The following GPC5 variants were observed in gnomAD, a reference collection of about 807,000 sequenced individuals.
GPC5 encodes glypican 5.
Under a neutral mutation model 53.9 loss-of-function variants are expected in GPC5, and 47 were observed. That is an observed-to-expected ratio of 0.87 (90% confidence interval 0.69 to 1.11). The LOEUF (loss-of-function observed/expected upper bound fraction) is 1.11. Among genes scored for constraint, GPC5 ranks in the 50% most tolerant of loss-of-function variants. GPC5 has a pLI of 0.00. For missense variants in GPC5, 748 were observed against 713.1 expected (o/e 1.05, Z -0.56); for synonymous variants, 286 against 263.3 (o/e 1.09, Z -0.84).
At chr13:92,092,449 C>T (rs191736492) in intron 6 of GPC5, among the ~76,000 whole-genome samples, 1 of 152,216 alleles carries the variant, frequency 6.6e-6, no homozygotes, top group African/African-American at 2.4e-5. Flanking sequence ...GAGCAGCTAC[C>T]TGGTAAAATT....
At chr13:92,218,043 C>T (rs1224761136) in intron 7 of GPC5, among the ~76,000 whole-genome samples, 1 of 151,090 alleles carries the variant, frequency 6.6e-6, no homozygotes, top group East Asian at 2.0e-4. Context: ...CCTGCCTCAG[C>T]CTCCTGAGTA....
Position 92,455,061 on chromosome 13 carries a change from T to TACGA in GPC5, c.1561+310075_1561+310078dup, listed in dbSNP as rs551577702. ...TGTTAAATATGTATTGAGAAAGAGG[T>TACGA]ACGAACTCAGAGCAAGGAATGGAAG... On this transcript the variant is annotated intron_variant, in intron 7 of 7. Coordinates refer to ENST00000377067, the MANE Select transcript of GPC5 (RefSeq NM_004466.6). 3.5e-4 allele frequency among the ~76,000 whole-genome samples: 53 copies of TACGA among 152,188 alleles called. No individual in the cohort carries two copies. The East Asian group carries it at 5.0e-3, about 14-fold the overall frequency.
intron 2 of GPC5, among the ~76,000 whole-genome samples, chr13:91,659,281 G>A (rs1305247099): frequency 6.6e-6 from 1 of 152,204 alleles, no homozygotes; most frequent in Non-Finnish European, 1.5e-5. Context: ...CCAATAGGGA[G>A]CTTGGTGAGG....
intron 6 of GPC5, among the ~76,000 whole-genome samples, chr13:91,919,236 C>T (rs1200626364): frequency 6.6e-6 from 1 of 152,168 alleles, no homozygotes; most frequent in Non-Finnish European, 1.5e-5. Context: ...AGACTACTAC[C>T]AATTCCTATC....
chr13:92,794,341 T>C (rs1048460758), intron 7 of GPC5, among the ~76,000 whole-genome samples: 1 of 152,132 alleles, frequency 6.6e-6, no homozygotes, highest in Non-Finnish European at 1.5e-5. Flanking sequence ...CAGCCCTTCA[T>C]GATAAAAACT....
intron 2 of GPC5, among the ~76,000 whole-genome samples, chr13:91,572,062 C>CATGTATATACACACAT (rs1555326016): frequency 4.0e-5 from 5 of 126,484 alleles, no homozygotes; most frequent in Admixed American, 3.7e-4. Context: ...TGTATATATA[C>CATGTATATACACACAT]ATGTATATAC....
intron 7 of GPC5, among the ~76,000 whole-genome samples, chr13:92,363,982 T>C (rs1215418768): frequency 6.6e-6 from 1 of 151,754 alleles, no homozygotes; most frequent in Non-Finnish European, 1.5e-5. Context: ...GAGGAAAACA[T>C]GCTCATGACT....
intron 5 of GPC5, among the ~76,000 whole-genome samples, chr13:91,782,254 CTG>C (rs2037810017): frequency 1.3e-5 from 2 of 152,162 alleles, no homozygotes; most frequent in Non-Finnish European, 2.9e-5. Context: ...ACTTTCCAAG[CTG>C]TGTTTTCTCA....
intron 7 of GPC5, among the ~76,000 whole-genome samples, chr13:92,638,493 T>A (rs1594371909): frequency 6.6e-6 from 1 of 152,180 alleles, no homozygotes; most frequent in South Asian, 2.1e-4. Context: ...CTGGCTGCAG[T>A]CCCTGTAATT....
chr13:92,607,390 T>C (rs1884291233), intron 7 of GPC5, among the ~76,000 whole-genome samples: 2 of 152,154 alleles, frequency 1.3e-5, no homozygotes, highest in South Asian at 2.1e-4. Context: ...AGAGAAATAA[T>C]AATTTCTATT....
At position 91,959,102 on chromosome 13, in the gene GPC5, AT is replaced by A. The variant is rs986679819; in HGVS notation, c.1401+51046del. Among the ~76,000 whole-genome samples, 112 of 146,792 alleles carry A rather than the reference AT, an allele frequency of 7.6e-4. 1 individual carries two copies. Among genetic ancestry groups the A allele is most frequent in the South Asian group, 2.8e-3 (13 of 4,664 alleles). ...CACACACACACACACACACACACAC[AT>A]CAATGATGAAACAGAAAGTTGTTTT... On this transcript the variant is annotated intron_variant, in intron 6 of 7. Coordinates refer to ENST00000377067, the MANE Select transcript of GPC5 (RefSeq NM_004466.6).
intron 3 of GPC5, among the ~76,000 whole-genome samples, chr13:91,699,944 A>G (rs1274579613): frequency 2.6e-5 from 4 of 152,038 alleles, no homozygotes; most frequent in Non-Finnish European, 4.4e-5. Flanking sequence ...GTTTTTTTTC[A>G]GATATGGAAT....
At chr13:92,487,308 A>G (rs1190628381) in intron 7 of GPC5, among the ~76,000 whole-genome samples, 1 of 152,198 alleles carries the variant, frequency 6.6e-6, no homozygotes, top group African/African-American at 2.4e-5. Context: ...GACAAATGAC[A>G]ACCATGTTAT....
intron 7 of GPC5, among the ~76,000 whole-genome samples, chr13:92,598,925 G>GAAAC (rs747386833): frequency 4.6e-5 from 7 of 152,076 alleles, no homozygotes; most frequent in Non-Finnish European, 7.4e-5. Context: ...GAGACTGTCT[G>GAAAC]AAACAAACAA....
At chr13:92,352,802 C>T (rs540509923) in intron 7 of GPC5, among the ~76,000 whole-genome samples, 1 of 152,136 alleles carries the variant, frequency 6.6e-6, no homozygotes, top group African/African-American at 2.4e-5. Flanking sequence ...TCTAAACAAT[C>T]AAAATTAAAA....
chr13:91,755,978 A>G (rs969355085), intron 4 of GPC5, among the ~76,000 whole-genome samples: 6 of 151,806 alleles, frequency 4.0e-5, no homozygotes, highest in Admixed American at 1.3e-4. Flanking sequence ...GCATCAGTAT[A>G]TACTATTCCC....
At chr13:91,830,088 A>ACGG (rs1259719008) in intron 5 of GPC5, among the ~76,000 whole-genome samples, 2 of 150,850 alleles carry the variant, frequency 1.3e-5, no homozygotes, top group East Asian at 3.9e-4. Flanking sequence ...GCTATGGGAG[A>ACGG]TGGGGGTCTA....
At chr13:92,139,539 C>T (rs890845285) in intron 6 of GPC5, among the ~76,000 whole-genome samples, 4 of 151,878 alleles carry the variant, frequency 2.6e-5, no homozygotes, top group Admixed American at 2.0e-4. Flanking sequence ...TGGTGGCATG[C>T]GCCTGCAGTC....
intron 5 of GPC5, among the ~76,000 whole-genome samples, chr13:91,854,268 C>CATA (rs1363661139): frequency 6.6e-6 from 1 of 151,512 alleles, no homozygotes; most frequent in Non-Finnish European, 1.5e-5. Flanking sequence ...TTTGTGGGTA[C>CATA]ATAATAGGTA....
Sources: gnomAD v4.1 joint callset for allele counts (sites outside exome capture counted in the v4.1 genomes callset) on GRCh38, gnomAD v4.1.1 for gene constraint, MANE v1.5 for transcripts, NCBI Gene and HGNC (gene_info 2026-07-23, HGNC 2026-07-21) for gene names.